CCDC7: variants seen among roughly 807,000 people sequenced by gnomAD.
CCDC7 encodes the protein coiled-coil domain-containing protein 7.
A neutral mutation model predicts 196.9 loss-of-function variants in CCDC7; 183 were observed. The observed-to-expected ratio is 0.93, with a 90% CI of 0.82 to 1.05. The LOEUF (loss-of-function observed/expected upper bound fraction) is 1.05, where lower values mean the gene tolerates loss of function less well. Ranked by LOEUF, CCDC7 falls within the 50% of genes least tolerant of loss-of-function variation. The probability of loss-of-function intolerance (pLI) is 0.00; values close to 1 mark genes in which losing one functional copy is unlikely to be tolerated. For missense variants in CCDC7, 1,540 were observed against 1,482.2 expected (o/e 1.04, Z -0.64); for synonymous variants, 525 against 484.6 (o/e 1.08, Z -1.10).
intron 9 of CCDC7, among the ~76,000 whole-genome samples, chr10:32,494,869 T>C (rs1480158733): frequency 6.6e-6 from 1 of 152,110 alleles, no homozygotes. Context: ...GTGCATGTGT[T>C]TTTATAGTAG....
chr10:32,485,849 G>A (rs2134273953), intron 8 of CCDC7, among the ~76,000 whole-genome samples: 1 of 152,320 alleles, frequency 6.6e-6, no homozygotes, highest in Admixed American at 6.5e-5. Flanking sequence ...TGATTGCACT[G>A]TGGTCTGAGA....
chr10:32,449,449 G>T (rs1207897450), upstream of CCDC7, among the ~76,000 whole-genome samples: 1 of 152,198 alleles, frequency 6.6e-6, no homozygotes, highest in African/African-American at 2.4e-5. Context: ...GCCTCCCAAA[G>T]TACTGGGATT....
chr10:32,446,154 G>T (rs1036277138), exon 1 of CCDC7: 9 of 152,090 alleles, frequency 5.9e-5, no homozygotes, highest in Non-Finnish European at 1.2e-4. Context: ...GCCCCATCCG[G>T]CGCCGGCGGC....
intron 38 of CCDC7, among the ~76,000 whole-genome samples, chr10:32,848,365 G>C (rs2093401836): frequency 6.6e-6 from 1 of 151,974 alleles, no homozygotes; most frequent in African/African-American, 2.4e-5. Flanking sequence ...AATAAAGCTG[G>C]GATAAAGGTT....
intron 29 of CCDC7, among the ~76,000 whole-genome samples, chr10:32,803,181 T>G (rs761399573): frequency 2.2e-4 from 34 of 152,382 alleles, no homozygotes; most frequent in Non-Finnish European, 4.6e-4. Flanking sequence ...CACTTGATCT[T>G]AGCCAAAAGG....
rs183544101 is a variant in CCDC7, at chr10:32,556,651, T to G, written c.1135-8907T>G. ...GTATGAGATATGTCTTCCATTTAAT[T>G]TACAAGATTTCTAAACTTATTCTCA... is the stretch of plus-strand genomic sequence containing the variant. On this transcript the variant is annotated intron_variant, in intron 13 of 41. Coordinates refer to ENST00000639629, the Ensembl canonical transcript of CCDC7. Among the ~76,000 whole-genome samples, 19 of 152,320 alleles carry G rather than the reference T, an allele frequency of 1.2e-4. No homozygotes were observed. The East Asian group carries it at 2.1e-3, about 17-fold the overall frequency.
At chr10:32,640,618 A>G (rs928046575) in intron 20 of CCDC7, among the ~76,000 whole-genome samples, 3 of 152,036 alleles carry the variant, frequency 2.0e-5, no homozygotes, top group African/African-American at 7.2e-5. Context: ...GGTCTTTACA[A>G]TTTGGCCTGT....
intron 24 of CCDC7, among the ~76,000 whole-genome samples, chr10:32,701,710 A>T (rs1052458575): frequency 6.6e-6 from 1 of 152,170 alleles, no homozygotes; most frequent in African/African-American, 2.4e-5. Context: ...TTATTGGTCT[A>T]TTCAGAGATT....
chr10:32,578,376 T>C (rs1291293566), intron 16 of CCDC7, among the ~76,000 whole-genome samples: 2 of 151,740 alleles, frequency 1.3e-5, no homozygotes, highest in Non-Finnish European at 2.9e-5. Context: ...TTACCTTTAT[T>C]GTACACTTTA....
intron 41 of CCDC7, among the ~76,000 whole-genome samples, chr10:32,868,884 C>A (rs1048549778): frequency 6.6e-6 from 1 of 152,112 alleles, no homozygotes; most frequent in African/African-American, 2.4e-5. Context: ...CATGTCCCTA[C>A]AAAGGACATG....
At chr10:32,760,145 T>C (rs2077197678) in intron 28 of CCDC7, among the ~76,000 whole-genome samples, 1 of 151,970 alleles carries the variant, frequency 6.6e-6, no homozygotes, top group South Asian at 2.1e-4. Context: ...ACACTGTTGG[T>C]GGGACTGTAA....
chr10:32,864,219 C>A (rs2094122592), intron 41 of CCDC7, among the ~76,000 whole-genome samples: 1 of 150,558 alleles, frequency 6.6e-6, no homozygotes, highest in Admixed American at 6.6e-5. Flanking sequence ...TTAGGATGGC[C>A]ATTATTAGAA....
At chr10:32,644,639 A>G (rs1390015717) in intron 20 of CCDC7, among the ~76,000 whole-genome samples, 4 of 152,200 alleles carry the variant, frequency 2.6e-5, no homozygotes, top group Admixed American at 2.6e-4. Context: ...AGTGGGAGAT[A>G]ATGAATCACG....
intron 21 of CCDC7, among the ~76,000 whole-genome samples, chr10:32,682,032 A>AT (rs1389075916): frequency 6.6e-6 from 1 of 152,010 alleles, no homozygotes; most frequent in Non-Finnish European, 1.5e-5. Flanking sequence ...TTCAACTTTT[A>AT]TTTTAGGTTC....
rs529251079 is a variant in CCDC7 at position 32,816,360 on chromosome 10, C to A, written c.3181+1907C>A. Among the ~76,000 whole-genome samples the A allele has an allele frequency of 7.4e-3, 1,134 of 152,316 alleles. 15 individuals are homozygous for A. The highest frequency in any genetic ancestry group is 0.013 in the Non-Finnish European group (887 of 68,030). ...CAGGAAGCTCAAACTGGGTGGAGCC[C>A]ACCGCAGCTCAAGGAGGCCTGCCTG... On this transcript the variant is annotated intron_variant, in intron 31 of 41. Transcript: ENST00000639629.
intron 18 of CCDC7, among the ~76,000 whole-genome samples, chr10:32,598,485 G>C (rs868819784): frequency 6.6e-6 from 1 of 151,916 alleles, no homozygotes; most frequent in Non-Finnish European, 1.5e-5. Context: ...TGCTCCGTGG[G>C]CTGCACCCAC....
chr10:32,511,235 C>T (rs923169408), intron 9 of CCDC7: 8 of 722,544 alleles, frequency 1.1e-5, no homozygotes, highest in Non-Finnish European at 1.6e-5. Context: ...AAACCTTGTC[C>T]TGCCACAGAA....
At chr10:32,744,371 G>T (rs1350725998) in intron 28 of CCDC7, among the ~76,000 whole-genome samples, 2 of 146,268 alleles carry the variant, frequency 1.4e-5, no homozygotes, top group Non-Finnish European at 3.0e-5. Context: ...TTTCCTGCTG[G>T]TGAAAAAAAA....
chr10:32,713,280 A>T (rs1203153771), intron 25 of CCDC7, among the ~76,000 whole-genome samples: 4 of 152,212 alleles, frequency 2.6e-5, no homozygotes, highest in South Asian at 2.1e-4. Context: ...CCTCGTCCTC[A>T]TGTCAGGGAT....
Sources: gnomAD v4.1 joint callset for allele counts (sites outside exome capture counted in the v4.1 genomes callset) on GRCh38, gnomAD v4.1.1 for gene constraint, MANE v1.5 for transcripts, NCBI Gene and HGNC (gene_info 2026-07-23, HGNC 2026-07-21) for gene names.